Variants in UBE2G1 observed in about 807,000 individuals in gnomAD.
UBE2G1 encodes the protein ubiquitin-conjugating enzyme E2 G1.
In UBE2G1, 5 loss-of-function variants were observed where a neutral mutation model predicts 22.7. That is an observed-to-expected ratio of 0.22 (90% CI 0.12 to 0.46). The LOEUF is 0.46. UBE2G1 is among the 20% of genes least tolerant of loss of function. The pLI is 0.99. For synonymous variants in UBE2G1, 74 were observed against 67.5 expected (o/e 1.10, Z -0.47); for missense variants, 88 against 203.9 (o/e 0.43, Z 3.46).
chr17:4,287,083 G>A lies in UBE2G1; in HGVS notation c.426+2147C>T, dbSNP rs1009406616. Among the ~76,000 whole-genome samples the A allele has an allele frequency of 1.1e-3, 161 of 145,882 alleles. 1 individual carries two copies. Among genetic ancestry groups the A allele is most frequent in the Admixed American group, 2.2e-3 (30 of 13,906 alleles). ...AATAAATACATACATAAAATAAAAA[G>A]GGCAACTTGTCAGCTCTGATTTTTT... On this transcript the variant is annotated intron_variant, in intron 4 of 5. Transcript: ENST00000396981.
At chr17:4,322,038 A>G (rs1969446454) in intron 1 of UBE2G1, among the ~76,000 whole-genome samples, 1 of 152,238 alleles carries the variant, frequency 6.6e-6, no homozygotes. Context: ...TTGAAATGCA[A>G]CAATCTGAAT....
rs543610198 is a variant in UBE2G1, at chr17:4,353,462, T to C, written c.46+12809A>G. On this transcript the variant is annotated intron_variant, in intron 1 of 5. Transcript: ENST00000396981. ...AGAGTTTCGTTGATATATATATATA[T>C]ACACACACACACACACACACACATA... Among the ~76,000 whole-genome samples, 927 of 148,194 alleles carry C rather than the reference T, an allele frequency of 6.3e-3. 5 individuals carry two copies. Among genetic ancestry groups the C allele is most frequent in the African/African-American group, 0.021 (821 of 39,800 alleles).
At chr17:4,279,051 G>A (rs1968852568) in intron 5 of UBE2G1, among the ~76,000 whole-genome samples, 1 of 152,116 alleles carries the variant, frequency 6.6e-6, no homozygotes, top group Non-Finnish European at 1.5e-5. Context: ...AAGGCAGGTG[G>A]ATCACTTGAG....
intron 1 of UBE2G1, among the ~76,000 whole-genome samples, chr17:4,349,959 T>C (rs1969825543): frequency 6.6e-6 from 1 of 152,098 alleles, no homozygotes; most frequent in Admixed American, 6.6e-5. Context: ...AGCATACCTA[T>C]TCAAAGTGGG....
intron 3 of UBE2G1, among the ~76,000 whole-genome samples, chr17:4,291,282 G>GCCT (rs1969036136): frequency 6.7e-6 from 1 of 149,862 alleles, no homozygotes; most frequent in African/African-American, 2.5e-5. Flanking sequence ...ATTGCTTGAA[G>GCCT]CCGGGAGGCA....
At chr17:4,329,186 C>CTCA (rs1190799427) in intron 1 of UBE2G1, among the ~76,000 whole-genome samples, 1 of 149,034 alleles carries the variant, frequency 6.7e-6, no homozygotes, top group Non-Finnish European at 1.5e-5. Context: ...ATTGCCTGAG[C>CTCA]TCAGGAGTTC....
At chr17:4,362,958 A>G (rs1969986272) in intron 1 of UBE2G1, among the ~76,000 whole-genome samples, 1 of 152,104 alleles carries the variant, frequency 6.6e-6, no homozygotes, top group African/African-American at 2.4e-5. Context: ...CCCTGTCTCT[A>G]CTAAAAATAC....
intron 2 of UBE2G1, among the ~76,000 whole-genome samples, chr17:4,300,478 G>A (rs1187499533): frequency 6.6e-6 from 1 of 152,006 alleles, no homozygotes; most frequent in Admixed American, 6.6e-5. Flanking sequence ...GGGAGGCAGA[G>A]GTTGCAATGA....
intron 1 of UBE2G1, among the ~76,000 whole-genome samples, chr17:4,342,355 C>A (rs913976941): frequency 6.6e-6 from 1 of 152,186 alleles, no homozygotes; most frequent in East Asian, 1.9e-4. Flanking sequence ...CTAGGCCAGG[C>A]GCAGTAGCTC....
intron 5 of UBE2G1, among the ~76,000 whole-genome samples, chr17:4,275,409 A>G (rs1407911700): frequency 6.6e-6 from 1 of 152,250 alleles, no homozygotes; most frequent in Non-Finnish European, 1.5e-5. Context: ...ATGTTTCAAT[A>G]TTAATTGAAA....
At chr17:4,355,626 G>C (rs1969897353) in intron 1 of UBE2G1, among the ~76,000 whole-genome samples, 2 of 140,330 alleles carry the variant, frequency 1.4e-5, no homozygotes, top group African/African-American at 5.3e-5. Flanking sequence ...TGGGCAACAA[G>C]AGTGAAACTC....
At chr17:4,329,109 G>GAAA (rs56962666) in intron 1 of UBE2G1, among the ~76,000 whole-genome samples, 25 of 91,754 alleles carry the variant, frequency 2.7e-4, no homozygotes, top group South Asian at 4.4e-4. Flanking sequence ...GTCTCAAAAA[G>GAAA]AAAAAAAAAA....
intron 1 of UBE2G1, among the ~76,000 whole-genome samples, chr17:4,309,263 A>C (rs1969281185): frequency 6.6e-6 from 1 of 152,248 alleles, no homozygotes; most frequent in Non-Finnish European, 1.5e-5. Flanking sequence ...CGTCTCAAAA[A>C]TAAAAATAAA....
At chr17:4,363,940 G>A (rs1367186013) in intron 1 of UBE2G1, among the ~76,000 whole-genome samples, 4 of 92,216 alleles carry the variant, frequency 4.3e-5, no homozygotes, top group Non-Finnish European at 7.7e-5. Context: ...AACAGAGTAA[G>A]ACTCCGTCTC....
intron 2 of UBE2G1, chr17:4,301,276 C>T (rs1969175877): frequency 5.1e-6 from 2 of 395,914 alleles, no homozygotes; most frequent in Admixed American, 7.2e-5. Flanking sequence ...TGGCTGTGCT[C>T]CGTGGGCACT....
chr17:4,344,742 TC>T (rs1567528457), intron 1 of UBE2G1, among the ~76,000 whole-genome samples: 1 of 152,018 alleles, frequency 6.6e-6, no homozygotes, highest in East Asian at 1.9e-4. Context: ...GGTGGTATAG[TC>T]CTAGCTACAT....
At chr17:4,351,839 T>G (rs1449348248) in intron 1 of UBE2G1, among the ~76,000 whole-genome samples, 1 of 152,186 alleles carries the variant, frequency 6.6e-6, no homozygotes, top group Non-Finnish European at 1.5e-5. Flanking sequence ...TAATTTAGTT[T>G]TAGAATCCTA....
chr17:4,340,773 T>C (rs1969701978), intron 1 of UBE2G1, among the ~76,000 whole-genome samples: 1 of 151,980 alleles, frequency 6.6e-6, no homozygotes, highest in African/African-American at 2.4e-5. Context: ...TACTATTTTT[T>C]TTTATTTTTT....
At position 4,272,020 on chromosome 17, in the gene UBE2G1, T is replaced by TA. The variant is rs1221260458; in HGVS notation, c.*533dup. On this transcript the variant is annotated 3_prime_UTR_variant, in exon 6 of 6. Coordinates refer to ENST00000396981, the MANE Select transcript of UBE2G1 (RefSeq NM_003342.5). ...GGGGAGTGTGTCAAAACAAAGAAGA[T>TA]ACAAAAGTTTAGTAAGTGAAAAGAG... 9 of 152,526 alleles carry TA rather than the reference T, an allele frequency of 5.9e-5. No homozygotes were observed. Among genetic ancestry groups the TA allele is most frequent in the African/African-American group, 2.2e-4 (9 of 41,444 alleles). The allele number at this position is 152,526 out of a possible 1,614,324, so 9.4% of individuals were successfully genotyped here. A position where few individuals can be genotyped will look rare whatever the true frequency, so the allele number is the denominator to read the frequency against.
Sources: gnomAD v4.1 joint callset for allele counts (sites outside exome capture counted in the v4.1 genomes callset) on GRCh38, gnomAD v4.1.1 for gene constraint, MANE v1.5 for transcripts, NCBI Gene and HGNC (gene_info 2026-07-23, HGNC 2026-07-21) for gene names.